The following PHF12 variants were observed in gnomAD, a reference collection of about 807,000 sequenced individuals.
PHF12 encodes PHD factor 1.
PHF12 carries 6 observed loss-of-function variants against 99.8 expected under a neutral mutation model. The observed-to-expected ratio is 0.06, with a 90% CI of 0.03 to 0.12. The LOEUF (loss-of-function observed/expected upper bound fraction) is 0.12. Ranked by LOEUF, PHF12 falls within the 10% of genes least tolerant of loss-of-function variation. The probability of loss-of-function intolerance (pLI) is 1.00; values close to 1 mark genes in which losing one functional copy is unlikely to be tolerated. For missense variants in PHF12, 954 were observed against 1,300.1 expected (o/e 0.73, Z 4.09); for synonymous variants, 480 against 514.9 (o/e 0.93, Z 0.92).
Position 28,906,262 on chromosome 17 carries a change from A to G in PHF12, c.2936T>C (p.Leu979Pro), listed in dbSNP as rs143354787. 1.8e-4 allele frequency: 287 copies of G among 1,613,690 alleles called. No homozygotes were observed. Among genetic ancestry groups the G allele is most frequent in the Non-Finnish European group, 2.3e-4 (276 of 1,179,668 alleles). The change falls in exon 15 of 15, where the codon CTG becomes CCG. Residue 979 changes from leucine (L) to proline (P), a missense_variant. Leu to Pro is a moderately conservative substitution (Grantham distance 98, BLOSUM62 -3). Coordinates refer to ENST00000332830, the MANE Select transcript of PHF12 (RefSeq NM_001033561.2). This position sits in a 1 kb window ranked among gnomAD's most constrained non-coding sequence, Gnocchi z 4.2. ...TKQPKGDASL[L>P]QDGVLAEKLS... The stretch of plus-strand genomic sequence containing the variant: ...CTTCTCGGCCAAGACCCCATCCTGC[A>G]GCAGGCTGGCATCGCCTTTGGGCTG...
At chr17:28,940,523 C>T (rs1470270380) in intron 2 of PHF12, among the ~76,000 whole-genome samples, 1 of 152,238 alleles carries the variant, frequency 6.6e-6, no homozygotes, top group Non-Finnish European at 1.5e-5. Context: ...TTCCTTCCTG[C>T]TGATGGGTCA....
intron 12 of PHF12, chr17:28,908,030 G>A (rs2039900435): frequency 5.0e-6 from 1 of 200,034 alleles, no homozygotes; most frequent in Non-Finnish European, 1.0e-5. Flanking sequence ...CTAGGGTAAG[G>A]GCTAATCTGT....
In PHF12 at chr17:28,951,167, G is replaced by A. The variant is rs1326799541; in HGVS notation, c.-207C>T. The A allele has an allele frequency of 5.6e-6, 8 of 1,426,056 alleles. No individual in the cohort carries two copies. The highest frequency in any genetic ancestry group is 6.4e-6 in the Non-Finnish European group (7 of 1,094,678). The allele number at this position is 1,426,056 out of a possible 1,614,324, so 88.3% of individuals were successfully genotyped here. A position where few individuals can be genotyped will look rare whatever the true frequency, so the allele number is the denominator to read the frequency against. The stretch of plus-strand genomic sequence containing the variant: ...TCCCGACGGGCCGCGAGGGGGGAGC[G>A]GCCCCTCAGTCCCGGCCCGGCTGCT... On this transcript the variant is annotated 5_prime_UTR_variant, in exon 1 of 15. Transcript: ENST00000332830.
intron 9 of PHF12, among the ~76,000 whole-genome samples, chr17:28,911,782 G>GACTCC: frequency 6.6e-6 from 1 of 152,148 alleles, no homozygotes; most frequent in South Asian, 2.1e-4. Context: ...GAGGGTTCCG[G>GACTCC]CAGCATCTGA....
intron 4 of PHF12, among the ~76,000 whole-genome samples, 179 bp from the exon 5 acceptor site, chr17:28,921,987 A>G (rs1003141693): frequency 1.2e-4 from 18 of 151,642 alleles, no homozygotes; most frequent in South Asian, 4.2e-4. Flanking sequence ...ATTAGGGAGG[A>G]AAAAAAAAGA....
chr17:28,940,782 G>A (rs2040598846), intron 2 of PHF12, among the ~76,000 whole-genome samples: 1 of 152,122 alleles, frequency 6.6e-6, no homozygotes. Flanking sequence ...ATGCGTCCTG[G>A]GCATGGTGAC....
chr17:28,940,477 T>C (rs907386126), intron 2 of PHF12, among the ~76,000 whole-genome samples: 3 of 152,250 alleles, frequency 2.0e-5, no homozygotes, highest in Admixed American at 6.5e-5. Flanking sequence ...AATTTACTTA[T>C]TGTGAATTCC....
At chr17:28,919,524 GGAGACT>G (rs200271516) in intron 5 of PHF12, among the ~76,000 whole-genome samples, 2,515 of 152,278 alleles carry the variant, frequency 0.017, 61 homozygotes, top group African/African-American at 0.057. Flanking sequence ...CCTGAGGTCA[GGAGACT>G]GAGACTGAGA....
In PHF12 at chr17:28,912,869, C is replaced by T. The variant is rs765594813; in HGVS notation, c.1702G>A (p.Ala568Thr). The T allele has an allele frequency of 1.2e-5, 20 of 1,611,258 alleles. No individual in the cohort carries two copies. The highest frequency in any genetic ancestry group is 4.4e-5 in the South Asian group (4 of 90,842). The change falls in exon 9 of 15, where the codon GCT becomes ACT. Residue 568 changes from alanine (A) to threonine (T), a missense_variant. Coordinates refer to ENST00000332830, the MANE Select transcript of PHF12 (RefSeq NM_001033561.2). ...DSTDPRRLPGANTPLPGLSHR... is the reference protein window; with the variant it reads ...DSTDPRRLPGTNTPLPGLSHR... ...GAGAGGCCTGGTAGTGGGGTGTTAG[C>T]GCCTGGAAGTCGCCGGGGGTCCGTG...
chr17:28,950,152 G>C lies in PHF12; in HGVS notation c.161C>G (p.Thr54Ser). The change falls in exon 2 of 15, where the codon ACC becomes AGC. Residue 54 changes from threonine to serine, a missense_variant. Around this residue, in one of 8 missense-constraint regions of PHF12, gnomAD observed 66 missense variants for 69.4 expected, o/e 0.95. Coordinates refer to ENST00000332830, the MANE Select transcript of PHF12 (RefSeq NM_001033561.2). The surrounding 1 kb of genome is among the most constrained non-coding windows in gnomAD (Gnocchi z 5.7). ...GCAGCTATCGCAGCTGTCGTGGTTGGTGGCCCTGCCGCTTCTCCGGGGCTC... is the reference window on the plus strand; with the variant it reads ...GCAGCTATCGCAGCTGTCGTGGTTGCTGGCCCTGCCGCTTCTCCGGGGCTC... Reference protein sequence around the residue: ...EKEPRRSGRATNHDSCDSCKE... With the variant: ...EKEPRRSGRASNHDSCDSCKE... 6.2e-7 allele frequency: 1 copy of C among 1,613,970 alleles called. No homozygotes were observed. The highest frequency in any genetic ancestry group is 8.5e-7 in the Non-Finnish European group (1 of 1,180,014).
intron 2 of PHF12, among the ~76,000 whole-genome samples, chr17:28,941,960 A>C (rs1180728953): frequency 6.6e-6 from 1 of 152,200 alleles, no homozygotes; most frequent in Non-Finnish European, 1.5e-5. Flanking sequence ...GCTCAAACAC[A>C]GACATTTTCT....
intron 10 of PHF12, 100 bp downstream of exon 10, chr17:28,911,012 A>C: frequency 2.0e-6 from 3 of 1,521,586 alleles, no homozygotes; most frequent in Admixed American, 1.8e-5. Flanking sequence ...CTCTGGGATC[A>C]GGTGTCCCTT....
At chr17:28,923,437 C>T (rs1203771292) in intron 4 of PHF12, among the ~76,000 whole-genome samples, 1 of 151,050 alleles carries the variant, frequency 6.6e-6, no homozygotes, top group African/African-American at 2.4e-5. Context: ...GTGGGCAGAT[C>T]ACCTGAGGTC....
chr17:28,910,415 G>A, intron 10 of PHF12, 46 bp from the exon 11 acceptor site: 7 of 1,569,788 alleles, frequency 4.5e-6, no homozygotes, highest in East Asian at 2.2e-5. Context: ...GATGGGAAGT[G>A]GAATGTGGAA....
Position 28,906,538 on chromosome 17 carries a change from C to A in PHF12, c.2681-21G>T. ...GCGCCCTGGGAAAAAGGGGGATGGT[C>A]ACAGAAGAGGAACAGTGAGCAGCCA... On this transcript the variant is annotated intron_variant, in intron 14 of 14. Coordinates refer to ENST00000332830, the MANE Select transcript of PHF12 (RefSeq NM_001033561.2). The surrounding 1 kb of genome is among the most constrained non-coding windows in gnomAD (Gnocchi z 4.2). 2 of 1,580,980 alleles carry A rather than the reference C, an allele frequency of 1.3e-6. No individual in the cohort carries two copies. The highest frequency in any genetic ancestry group is 2.3e-5 in the South Asian group (2 of 86,838).
intron 9 of PHF12, 146 bp from the exon 10 acceptor site, chr17:28,911,383 A>G: frequency 8.6e-7 from 1 of 1,163,714 alleles, no homozygotes; most frequent in Admixed American, 2.8e-5. Context: ...GAACTCCTAG[A>G]GCTAAAAACG....
At position 28,912,565 on chromosome 17, in the gene PHF12, A is replaced by G. The variant is rs1432102063; in HGVS notation, c.2006T>C (p.Val669Ala). Residue 669 changes from valine to alanine, a missense_variant, in exon 9 of 15, where the codon GTG (valine) becomes GCG (alanine). Physicochemically the swap from Val to Ala is moderately conservative, Grantham distance 64 (BLOSUM62 0). Coordinates refer to ENST00000332830, the MANE Select transcript of PHF12 (RefSeq NM_001033561.2). ...PLGSPPNATR[V>A]LTPPQAAGDG... Reference sequence around the variant, plus strand: ...TCCTGCTGCTTGCGGGGGAGTGAGCACCCGGGTGGCGTTTGGGGGTGAGCC... The same window carrying G: ...TCCTGCTGCTTGCGGGGGAGTGAGCGCCCGGGTGGCGTTTGGGGGTGAGCC... 6.2e-7 allele frequency: 1 copy of G among 1,614,038 alleles called. No homozygotes were observed. Among genetic ancestry groups the G allele is most frequent in the East Asian group, 2.2e-5 (1 of 44,882 alleles).
At position 28,906,162 on chromosome 17, in the gene PHF12, G is replaced by T; in HGVS notation, c.*21C>A. 6.5e-7 allele frequency: 1 copy of T among 1,535,196 alleles called. No homozygotes were observed. Among genetic ancestry groups the T allele is most frequent in the South Asian group, 1.2e-5 (1 of 80,906 alleles). ...GAGTCTTGGGTGGGTGTACAGGCCA[G>T]TGGCGGGGTAGCCGCCAGTCCTAAG... is the stretch of plus-strand genomic sequence containing the variant. On this transcript the variant is annotated 3_prime_UTR_variant, in exon 15 of 15. Coordinates refer to ENST00000332830, the MANE Select transcript of PHF12 (RefSeq NM_001033561.2). The surrounding 1 kb of genome is among the most constrained non-coding windows in gnomAD (Gnocchi z 4.2).
intron 8 of PHF12, 31 bp from the exon 9 acceptor site, chr17:28,913,308 G>A: frequency 6.4e-7 from 1 of 1,574,014 alleles, no homozygotes; most frequent in South Asian, 1.2e-5. Flanking sequence ...AGGGGGGTGA[G>A]AAGCCTGAGA....
Sources: allele counts gnomAD v4.1 joint callset (sites outside exome capture counted in the v4.1 genomes callset), GRCh38; gene constraint gnomAD v4.1.1; regional missense constraint gnomAD v4.1.1; non-coding constraint Gnocchi (gnomAD v3.1); transcripts MANE v1.5; gene names NCBI Gene and HGNC (gene_info 2026-07-23, HGNC 2026-07-21).